Variants in ARMC3 observed in about 807,000 individuals in gnomAD.
The protein encoded by ARMC3 is armadillo repeat containing 3.
Under a neutral mutation model 90.3 loss-of-function variants are expected in ARMC3, and 74 were observed. That is an observed-to-expected ratio of 0.82 (90% CI 0.68 to 0.99). The LOEUF (loss-of-function observed/expected upper bound fraction) is 0.99, where lower values mean the gene tolerates loss of function less well. Ranked by LOEUF, ARMC3 falls within the 50% of genes least tolerant of loss-of-function variation. The probability of loss-of-function intolerance (pLI) is 0.00; values close to 1 mark genes in which losing one functional copy is unlikely to be tolerated. For missense variants in ARMC3, 958 were observed against 1,042.8 expected (o/e 0.92, Z 1.12); for synonymous variants, 334 against 361.8 (o/e 0.92, Z 0.87).
chr10:22,964,647 G>T (rs951785988), intron 7 of ARMC3, among the ~76,000 whole-genome samples: 3 of 151,682 alleles, frequency 2.0e-5, no homozygotes, highest in Non-Finnish European at 4.4e-5. Flanking sequence ...CACCATGTTG[G>T]CCAGGCTAGT....
Position 22,932,618 on chromosome 10 carries a change from A to C in ARMC3, c.48+574A>C, listed in dbSNP as rs1309383312. 2.0e-5 allele frequency among the ~76,000 whole-genome samples: 3 copies of C among 152,344 alleles called. No homozygotes were observed. In the East Asian group the frequency reaches 5.8e-4, roughly 29 times the overall value. On this transcript the variant is annotated intron_variant, in intron 2 of 18. Coordinates refer to ENST00000298032, the MANE Select transcript of ARMC3 (RefSeq NM_173081.5). The stretch of plus-strand genomic sequence containing the variant: ...CTCTTTAAACTTTATCAATTATTGA[A>C]AGGTTGTGTTAAAAGTGAAAAATGA...
intron 16 of ARMC3, among the ~76,000 whole-genome samples, chr10:23,021,584 T>C (rs934908151): frequency 6.6e-6 from 1 of 152,226 alleles, no homozygotes; most frequent in Non-Finnish European, 1.5e-5. Context: ...ATGTTGCAGA[T>C]TTTTTCATAT....
intron 16 of ARMC3, among the ~76,000 whole-genome samples, chr10:23,012,849 C>T (rs969363024): frequency 2.0e-5 from 3 of 151,694 alleles, no homozygotes; most frequent in Non-Finnish European, 4.4e-5. Context: ...TCCATAAACC[C>T]GTCCTCCATG....
intron 2 of ARMC3, among the ~76,000 whole-genome samples, chr10:22,932,249 G>A (rs1469519284): frequency 6.6e-6 from 1 of 152,180 alleles, no homozygotes; most frequent in African/African-American, 2.4e-5. Context: ...AGCACAATTA[G>A]AGAGTAATTA....
chr10:23,030,426 T>G (rs1838877018), intron 16 of ARMC3, among the ~76,000 whole-genome samples, 170 bp from the exon 17 acceptor site: 1 of 152,198 alleles, frequency 6.6e-6, no homozygotes, highest in Non-Finnish European at 1.5e-5. Context: ...GGGCCAACTG[T>G]ATTTACTGAA....
intron 16 of ARMC3, among the ~76,000 whole-genome samples, chr10:23,024,507 A>G (rs1395552858): frequency 6.6e-6 from 1 of 152,212 alleles, no homozygotes; most frequent in Admixed American, 6.5e-5. Context: ...AACAAAATGT[A>G]TAACATCTTA....
chr10:22,958,689 T>C (rs1249081828), intron 4 of ARMC3, among the ~76,000 whole-genome samples: 1 of 152,130 alleles, frequency 6.6e-6, no homozygotes, highest in Non-Finnish European at 1.5e-5. Flanking sequence ...ATATTACCTG[T>C]CTCATAAGGG....
At chr10:22,952,480 T>TA (rs936064425) in intron 3 of ARMC3, among the ~76,000 whole-genome samples, 6 of 152,064 alleles carry the variant, frequency 3.9e-5, no homozygotes, top group Non-Finnish European at 8.8e-5. Flanking sequence ...CCAAGCTCAC[T>TA]AAAAAAAGAC....
chr10:23,035,226 T>G (rs1473837834), intron 18 of ARMC3, among the ~76,000 whole-genome samples: 1 of 152,102 alleles, frequency 6.6e-6, no homozygotes, highest in Non-Finnish European at 1.5e-5. Context: ...TGTCTCTTAT[T>G]ATAGGGACAC....
Position 23,032,734 on chromosome 10 carries a change from A to G in ARMC3, c.2247-127A>G. The stretch of plus-strand genomic sequence containing the variant: ...ACTATTTATGGTTAGTACTTTCTCA[A>G]AAATAAAGCACAACAAAAATCACAG... On this transcript the variant is annotated intron_variant, in intron 17 of 18. Coordinates refer to ENST00000298032, the MANE Select transcript of ARMC3 (RefSeq NM_173081.5). The G allele has an allele frequency of 2.9e-6, 3 of 1,035,252 alleles. No individual in the cohort carries two copies. In the South Asian group the frequency reaches 5.2e-5, roughly 18 times the overall value. 64.1% of individuals were successfully genotyped at this position (1,035,252 alleles called of 1,614,324 possible). A position where few individuals can be genotyped will look rare whatever the true frequency, so the allele number is the denominator to read the frequency against.
chr10:22,947,937 CTTTTA>C (rs1273421764), intron 3 of ARMC3, among the ~76,000 whole-genome samples: 1 of 151,060 alleles, frequency 6.6e-6, no homozygotes, highest in Non-Finnish European at 1.5e-5. Flanking sequence ...AATGATTAGA[CTTTTA>C]TTATGTTGCA....
At position 22,961,905 on chromosome 10, in the gene ARMC3, C is replaced by T. The variant is rs966986117; in HGVS notation, c.559C>T (p.Leu187Phe). Residue 187 changes from leucine (L) to phenylalanine (F), a missense_variant, in exon 7 of 19, where the codon CTT becomes TTT. Leu to Phe is a conservative substitution (Grantham distance 22, BLOSUM62 0). Transcript: ENST00000298032. ...GCAGGATTTTCAGTGTCGAGCTAAACTTCAAGAACTAAATGCAATACCTCC... is the reference window on the plus strand; with the variant it reads ...GCAGGATTTTCAGTGTCGAGCTAAATTTCAAGAACTAAATGCAATACCTCC... ...LVQDFQCRAK[L>F]QELNAIPPIL... is the part of the protein sequence containing the mutation. 40 of 1,605,842 alleles carry T rather than the reference C, an allele frequency of 2.5e-5. No individual in the cohort carries two copies. The highest frequency in any genetic ancestry group is 1.2e-4 in the South Asian group (11 of 89,094).
chr10:22,968,498 CATTTT>C lies in ARMC3; in HGVS notation c.916+19_916+23del. 6.4e-7 allele frequency: 1 copy of C among 1,554,754 alleles called. No homozygotes were observed. The highest frequency in any genetic ancestry group is 8.7e-7 in the Non-Finnish European group (1 of 1,153,592). ...TAAAGCAGCTTATGATCGTATGTCT[CATTTT>C]ATTTTATTTATTTTGAGATAGGATC... On this transcript the variant is annotated intron_variant, in intron 8 of 18. Coordinates refer to ENST00000298032, the MANE Select transcript of ARMC3 (RefSeq NM_173081.5).
intron 8 of ARMC3, among the ~76,000 whole-genome samples, chr10:22,970,884 A>G (rs901008268): frequency 6.6e-6 from 1 of 152,200 alleles, no homozygotes; most frequent in Non-Finnish European, 1.5e-5. Context: ...CTTGCTTTTT[A>G]AATTGTGGTG....
intron 10 of ARMC3, among the ~76,000 whole-genome samples, chr10:22,995,943 G>A (rs1226536874): frequency 1.3e-5 from 2 of 152,052 alleles, no homozygotes; most frequent in Non-Finnish European, 2.9e-5. Context: ...AACTCTACAG[G>A]ATGTTTTAAA....
chr10:22,939,518 G>A (rs868642815), intron 2 of ARMC3, among the ~76,000 whole-genome samples: 10 of 152,158 alleles, frequency 6.6e-5, no homozygotes, highest in Non-Finnish European at 1.2e-4. Context: ...GTTAATAGTC[G>A]TGTGGCTAAA....
At chr10:22,943,451 A>AC (rs769691870) in intron 2 of ARMC3, among the ~76,000 whole-genome samples, 64 of 151,992 alleles carry the variant, frequency 4.2e-4, no homozygotes, top group Non-Finnish European at 6.0e-4. Context: ...ACACATTTTA[A>AC]CCTGCATTTT....
rs1253715765 is a variant in ARMC3 at position 23,001,937 on chromosome 10, T to C, written c.1444T>C (p.Leu482=). Residue 482 remains leucine (L), a synonymous_variant, in exon 12 of 19, where the codon TTG becomes CTG. Transcript: ENST00000298032. The stretch of plus-strand genomic sequence containing the variant: ...CTTTTAGTTAAGAAATTCTGGTGGA[T>C]TGGAGCCCCTGGTAGAGCTGCTACG... ...ARTELRNSGG[L]EPLVELLRSK... 4 of 1,613,794 alleles carry C rather than the reference T, an allele frequency of 2.5e-6. No individual in the cohort carries two copies. The highest frequency in any genetic ancestry group is 1.7e-5 in the Admixed American group (1 of 59,984).
chr10:23,015,495 A>T (rs930893353), intron 16 of ARMC3, among the ~76,000 whole-genome samples: 8 of 152,168 alleles, frequency 5.3e-5, no homozygotes, highest in African/African-American at 1.9e-4. Flanking sequence ...GTTCTTTTGT[A>T]TTCAGACCAG....
Sources: gnomAD v4.1 joint callset for allele counts (sites outside exome capture counted in the v4.1 genomes callset) on GRCh38, gnomAD v4.1.1 for gene constraint, MANE v1.5 for transcripts, NCBI Gene and HGNC (gene_info 2026-07-23, HGNC 2026-07-21) for gene names.